Variants in KIAA1217 observed in about 807,000 individuals in gnomAD.
The protein encoded by KIAA1217 is sickle tail protein homolog.
KIAA1217 carries 88 observed loss-of-function variants against 163.9 expected under a neutral mutation model. That is an observed-to-expected ratio of 0.54 (90% CI 0.45 to 0.64). The LOEUF (loss-of-function observed/expected upper bound fraction) is 0.64. Among genes scored for constraint, KIAA1217 ranks in the 30% least tolerant of loss-of-function variants. KIAA1217 has a pLI of 0.00. For missense variants in KIAA1217, 2,372 were observed against 2,475.0 expected (o/e 0.96, Z 0.88); for synonymous variants, 903 against 923.1 (o/e 0.98, Z 0.39).
chr10:24,337,866 A>G (rs1278574556), intron 2 of KIAA1217, among the ~76,000 whole-genome samples: 1 of 151,520 alleles, frequency 6.6e-6, no homozygotes, highest in Admixed American at 6.6e-5. Context: ...GCAGGTCTTG[A>G]ACTCCTGACT....
chr10:24,036,254 G>T (rs60082391), intron 2 of KIAA1217, among the ~76,000 whole-genome samples: 2 of 152,336 alleles, frequency 1.3e-5, no homozygotes, highest in East Asian at 1.9e-4. Context: ...TTGGAATACG[G>T]TAGTGTTCTC....
At chr10:23,790,544 CAT>C (rs1491497874) in intron 1 of KIAA1217, among the ~76,000 whole-genome samples, 1 of 93,564 alleles carries the variant, frequency 1.1e-5, no homozygotes, top group Non-Finnish European at 1.8e-5. Context: ...TATACATGTG[CAT>C]ATATACATAT....
At position 23,695,951 on chromosome 10, in the gene KIAA1217, G is replaced by C. The variant is rs1454366976; in HGVS notation, c.-321+717G>C. ...GAGCAGGGTGACCCCCACAGCGGCC[G>C]GCCTTCCGGCTGGCTGCCCTCCCCG... On this transcript the variant is annotated intron_variant, in intron 1 of 18. Transcript: ENST00000376462. The surrounding 1 kb of genome is among the most constrained non-coding windows in gnomAD (Gnocchi z 4.9). Among the ~76,000 whole-genome samples, 1 of 152,200 alleles carries C rather than the reference G, an allele frequency of 6.6e-6. No homozygotes were observed. The highest frequency in any genetic ancestry group is 1.5e-5 in the Non-Finnish European group (1 of 68,022).
chr10:24,419,032 C>T (rs570535025), intron 3 of KIAA1217, among the ~76,000 whole-genome samples: 1 of 152,002 alleles, frequency 6.6e-6, no homozygotes, highest in Non-Finnish European at 1.5e-5. Context: ...CAAAAATTAG[C>T]TGAGTGTGGT....
intron 2 of KIAA1217, among the ~76,000 whole-genome samples, chr10:24,083,020 G>A (rs1385739898): frequency 1.3e-5 from 2 of 152,178 alleles, no homozygotes; most frequent in African/African-American, 4.8e-5. Flanking sequence ...TGTTTCATAT[G>A]TTTGTTAGTG....
chr10:23,834,552 T>C (rs1208476090), intron 1 of KIAA1217, among the ~76,000 whole-genome samples: 1 of 152,042 alleles, frequency 6.6e-6, no homozygotes, highest in Non-Finnish European at 1.5e-5. Context: ...AGAAGATGGT[T>C]AAGTACTATG....
intron 1 of KIAA1217, among the ~76,000 whole-genome samples, chr10:23,898,696 T>C (rs759263817): frequency 6.0e-4 from 92 of 152,138 alleles, no homozygotes; most frequent in Non-Finnish European, 1.0e-3. Flanking sequence ...TCTCCACAAC[T>C]TTTTTACTGT....
intron 2 of KIAA1217, among the ~76,000 whole-genome samples, chr10:24,328,055 C>T (rs1213652403): frequency 6.6e-6 from 1 of 152,164 alleles, no homozygotes; most frequent in Non-Finnish European, 1.5e-5. Context: ...AACTACTCAG[C>T]AGTGAAACTC....
intron 14 of KIAA1217, among the ~76,000 whole-genome samples, 184 bp downstream of exon 14, chr10:24,528,303 C>CTTTTTGTTTTTTTT (rs2072519659): frequency 1.4e-5 from 2 of 144,134 alleles, no homozygotes; most frequent in African/African-American, 5.1e-5. Context: ...CTATCTCTCT[C>CTTTTTGTTTTTTTT]TTTTTGTTTT....
intron 2 of KIAA1217, among the ~76,000 whole-genome samples, chr10:24,192,670 A>C (rs1313443608): frequency 6.6e-6 from 1 of 152,252 alleles, no homozygotes; most frequent in African/African-American, 2.4e-5. Context: ...AGGGGCTTGG[A>C]GAAATGCACA....
chr10:24,200,088 C>A (rs1028590801), intron 2 of KIAA1217, among the ~76,000 whole-genome samples: 10 of 152,192 alleles, frequency 6.6e-5, no homozygotes, highest in African/African-American at 2.4e-4. Context: ...ACTCCTGCTT[C>A]CTTCTCTACC....
At chr10:23,710,142 G>T (rs1044517595) in intron 1 of KIAA1217, among the ~76,000 whole-genome samples, 1 of 152,120 alleles carries the variant, frequency 6.6e-6, no homozygotes, top group Non-Finnish European at 1.5e-5. Flanking sequence ...AAATAGAGTG[G>T]CAGGTGTGGG....
chr10:24,368,460 T>C (rs2051100397), intron 2 of KIAA1217, among the ~76,000 whole-genome samples: 1 of 151,202 alleles, frequency 6.6e-6, no homozygotes, highest in Non-Finnish European at 1.5e-5. Context: ...CTTTTCTTTC[T>C]TTTTTTTTCC....
chr10:24,292,072 G>A (rs2132474399), intron 2 of KIAA1217, among the ~76,000 whole-genome samples: 1 of 152,336 alleles, frequency 6.6e-6, no homozygotes, highest in African/African-American at 2.4e-5. Context: ...ATATTTGGAT[G>A]AGTTTTCTGG....
chr10:24,166,463 C>T (rs1287308271), intron 2 of KIAA1217, among the ~76,000 whole-genome samples: 3 of 152,088 alleles, frequency 2.0e-5, no homozygotes, highest in South Asian at 2.1e-4. Context: ...AGGGGCCAGT[C>T]GTGGTGGCTT....
intron 1 of KIAA1217, among the ~76,000 whole-genome samples, chr10:23,917,643 T>C (rs754077091): frequency 3.9e-4 from 60 of 152,226 alleles, no homozygotes; most frequent in African/African-American, 1.4e-3. Flanking sequence ...GCAGGCAATA[T>C]GAAAGGTCAA....
chr10:24,271,339 T>C (rs1348170585), intron 2 of KIAA1217, among the ~76,000 whole-genome samples: 6 of 152,132 alleles, frequency 3.9e-5, no homozygotes. Context: ...TGAAAAAACC[T>C]CACAATATAA....
At chr10:24,484,132 T>C (rs1347518955) in intron 6 of KIAA1217, among the ~76,000 whole-genome samples, 1 of 147,898 alleles carries the variant, frequency 6.8e-6, no homozygotes, top group Non-Finnish European at 1.5e-5. Flanking sequence ...ATTATATTTA[T>C]GTGTATATAT....
At chr10:23,905,863 A>C (rs1197432320) in intron 1 of KIAA1217, among the ~76,000 whole-genome samples, 1 of 152,152 alleles carries the variant, frequency 6.6e-6, no homozygotes, top group Non-Finnish European at 1.5e-5. Context: ...GTCTTAGTCC[A>C]TTTGTGCTGT....
Sources: allele counts gnomAD v4.1 joint callset (sites outside exome capture counted in the v4.1 genomes callset), GRCh38; gene constraint gnomAD v4.1.1; non-coding constraint Gnocchi (gnomAD v3.1); transcripts MANE v1.5; gene names NCBI Gene and HGNC (gene_info 2026-07-23, HGNC 2026-07-21).